Variants in NEO1 observed in about 807,000 individuals in gnomAD.
NEO1 encodes neogenin 1, also known as neogenin.
NEO1 carries 63 observed loss-of-function variants against 159.7 expected under a neutral mutation model. The observed-to-expected ratio is 0.39, with a 90% CI of 0.32 to 0.49. NEO1 has a LOEUF of 0.49. Ranked by LOEUF, NEO1 falls within the 20% of genes least tolerant of loss-of-function variation. NEO1 has a pLI of 0.85. For missense variants in NEO1, 1,615 were observed against 1,831.0 expected, an observed-to-expected ratio of 0.88 and a Z score of 2.15; for synonymous variants, 633 against 662.0, an observed-to-expected ratio of 0.96 and a Z score of 0.67.
chr15:73,124,624 C>A (rs1372556565), intron 3 of NEO1, among the ~76,000 whole-genome samples: 1 of 152,182 alleles, frequency 6.6e-6, no homozygotes, highest in Non-Finnish European at 1.5e-5. Flanking sequence ...CTGCCTGGGT[C>A]ACTGTCTTAC....
intron 7 of NEO1, among the ~76,000 whole-genome samples, chr15:73,202,384 AT>A (rs1383707949): frequency 1.3e-5 from 2 of 152,164 alleles, no homozygotes; most frequent in Non-Finnish European, 2.9e-5. Flanking sequence ...CCTATTCAGA[AT>A]TTTGAAGTCC....
In NEO1 at chr15:73,302,784, G is replaced by A. The variant is rs1476907073; in HGVS notation, c.*88G>A. On this transcript the variant is annotated 3_prime_UTR_variant, in exon 29 of 29. Coordinates refer to ENST00000261908, the MANE Select transcript of NEO1 (RefSeq NM_002499.4). ...ACAAGGAATTGTACAGAGTACGAGA[G>A]GACAGCACTTGAGAACACAGAATGA... The A allele has an allele frequency of 3.2e-6, 4 of 1,236,382 alleles. No homozygotes were observed. Among genetic ancestry groups the A allele is most frequent in the Non-Finnish European group, 4.7e-6 (4 of 859,676 alleles). The allele number at this position is 1,236,382 out of a possible 1,614,324, so 76.6% of individuals were successfully genotyped here.
chr15:73,116,967 C>A, intron 2 of NEO1, 110 bp downstream of exon 2: 1 of 840,048 alleles, frequency 1.2e-6, no homozygotes. Flanking sequence ...AACAAATATA[C>A]TCATTTAACA....
intron 5 of NEO1, chr15:73,163,064 AT>A (rs1254417474): frequency 2.0e-5 from 3 of 151,722 alleles, no homozygotes; most frequent in Non-Finnish European, 4.4e-5. Flanking sequence ...AAAATTACAT[AT>A]TTTTCTTCCT....
intron 7 of NEO1, among the ~76,000 whole-genome samples, chr15:73,202,113 G>A (rs781586888): frequency 5.3e-5 from 8 of 151,776 alleles, no homozygotes; most frequent in Admixed American, 2.0e-4. Context: ...ACAGGCATGC[G>A]CCACCACACC....
chr15:73,184,808 A>G (rs1006642042), intron 7 of NEO1, among the ~76,000 whole-genome samples: 1 of 152,064 alleles, frequency 6.6e-6, no homozygotes, highest in Non-Finnish European at 1.5e-5. Flanking sequence ...CATGCCTGTA[A>G]TCCCAGCTAC....
intron 7 of NEO1, among the ~76,000 whole-genome samples, chr15:73,217,423 GGTTCCATA>G (rs1262979192): frequency 6.7e-6 from 1 of 149,122 alleles, no homozygotes; most frequent in Non-Finnish European, 1.5e-5. Context: ...GCTCTTTTTT[GGTTCCATA>G]TGAACTTTAA....
At chr15:73,080,730 C>G (rs1314536476) in intron 1 of NEO1, among the ~76,000 whole-genome samples, 1 of 151,996 alleles carries the variant, frequency 6.6e-6, no homozygotes, top group African/African-American at 2.4e-5. Flanking sequence ...GGCCAGGGAT[C>G]TCTTTCTGAG....
intron 7 of NEO1, among the ~76,000 whole-genome samples, chr15:73,179,112 T>C (rs978637086): frequency 2.6e-5 from 4 of 152,178 alleles, no homozygotes; most frequent in African/African-American, 9.7e-5. Flanking sequence ...AAAAAATCCA[T>C]CCTGTATCTC....
chr15:73,180,931 A>G (rs900328913), intron 7 of NEO1, among the ~76,000 whole-genome samples: 1 of 152,218 alleles, frequency 6.6e-6, no homozygotes, highest in Non-Finnish European at 1.5e-5. Flanking sequence ...GAAGGAATAC[A>G]GTAACTTACT....
At chr15:73,183,849 T>G (rs1462272727) in intron 7 of NEO1, among the ~76,000 whole-genome samples, 1 of 152,096 alleles carries the variant, frequency 6.6e-6, no homozygotes, top group Non-Finnish European at 1.5e-5. Flanking sequence ...ATACTTAAGG[T>G]AACTATAACA....
rs768899908 is a variant in NEO1, at chr15:73,116,692, T to G, written c.283T>G (p.Leu95Val). Reference protein sequence around the residue: ...EWKKDGTFLNLVSDDRRQLLP... With the variant: ...EWKKDGTFLNVVSDDRRQLLP... ...GAAAAAAGATGGAACTTTTTTAAAC[T>G]TAGTATCAGATGATCGACGCCAGCT... is the stretch of plus-strand genomic sequence containing the variant. The change falls in exon 2 of 29, where the codon TTA (leucine) becomes GTA (valine). Residue 95 changes from leucine to valine, a missense_variant. Physicochemically the swap from Leu to Val is conservative, Grantham distance 32. This residue lies in a region of NEO1 where 1,018 missense variants were observed against 1,115.4 expected (regional missense o/e 0.91). Transcript: ENST00000261908. The G allele has an allele frequency of 9.9e-6, 16 of 1,614,048 alleles. No homozygotes were observed. The highest frequency in any genetic ancestry group is 1.4e-5 in the Non-Finnish European group (16 of 1,179,932).
chr15:73,103,980 A>G (rs1161095706), intron 1 of NEO1, among the ~76,000 whole-genome samples: 2 of 152,084 alleles, frequency 1.3e-5, no homozygotes, highest in Non-Finnish European at 2.9e-5. Flanking sequence ...ACAGCCTCCC[A>G]AGTAGCTGGG....
chr15:73,235,399 A>G (rs915469139), intron 7 of NEO1, among the ~76,000 whole-genome samples: 4 of 152,208 alleles, frequency 2.6e-5, no homozygotes, highest in South Asian at 2.1e-4. Flanking sequence ...TTCTACTATC[A>G]GGACTGTTGT....
intron 5 of NEO1, among the ~76,000 whole-genome samples, chr15:73,149,189 A>G (rs1251028819): frequency 1.3e-5 from 2 of 151,788 alleles, no homozygotes; most frequent in African/African-American, 4.8e-5. Context: ...GTGGCAGGTG[A>G]CTGTAATCCC....
In NEO1 at chr15:73,167,628, T is replaced by C. The variant is rs144199136; in HGVS notation, c.1016-8775T>C. Among the ~76,000 whole-genome samples, 398 of 152,352 alleles carry C rather than the reference T, an allele frequency of 2.6e-3. 2 individuals are homozygous for C. Among genetic ancestry groups the C allele is most frequent in the Non-Finnish European group, 4.2e-3 (283 of 68,034 alleles). On this transcript the variant is annotated intron_variant, in intron 5 of 28. Transcript: ENST00000261908. ...ACATGGAAACAACCCAAGTGTACGA[T>C]GATGAATGAATGGATGTTAGATGTT... is the stretch of plus-strand genomic sequence containing the variant.
chr15:73,292,937 G>A (rs934342514), intron 25 of NEO1, among the ~76,000 whole-genome samples: 1 of 152,234 alleles, frequency 6.6e-6, no homozygotes, highest in African/African-American at 2.4e-5. Context: ...GAAAAAGAAG[G>A]GACTTCTTTC....
At chr15:73,134,169 G>A (rs922001663) in intron 4 of NEO1, among the ~76,000 whole-genome samples, 11 of 152,032 alleles carry the variant, frequency 7.2e-5, no homozygotes, top group South Asian at 2.1e-4. Context: ...CCAAAGACCC[G>A]TCTTATCTCT....
intron 3 of NEO1, among the ~76,000 whole-genome samples, chr15:73,123,135 C>T (rs867425332): frequency 6.9e-6 from 1 of 145,674 alleles, no homozygotes; most frequent in Non-Finnish European, 1.5e-5. Flanking sequence ...CCAGCCTGGG[C>T]GATAGAGCAA....
Sources: gnomAD v4.1 joint callset for allele counts (sites outside exome capture counted in the v4.1 genomes callset) on GRCh38, gnomAD v4.1.1 for gene constraint, gnomAD v4.1.1 regional missense constraint, MANE v1.5 for transcripts, NCBI Gene and HGNC (gene_info 2026-07-23, HGNC 2026-07-21) for gene names.